TRPM3: variants seen among roughly 807,000 people sequenced by gnomAD.
The protein encoded by TRPM3 is transient receptor potential cation channel subfamily M member 3, also known as long transient receptor potential channel 3.
A neutral mutation model predicts 181.2 loss-of-function variants in TRPM3; 77 were observed. That is an observed-to-expected ratio of 0.42 (90% CI 0.35 to 0.51). The LOEUF is 0.51. Among genes scored for constraint, TRPM3 ranks in the 20% least tolerant of loss-of-function variants. The pLI, the probability that TRPM3 is intolerant of heterozygous loss-of-function variation, is 0.01. For missense variants in TRPM3, 1,759 were observed against 2,196.7 expected (o/e 0.80, Z 3.98); for synonymous variants, 745 against 796.4 (o/e 0.94, Z 1.09).
intron 25 of TRPM3, among the ~76,000 whole-genome samples, chr9:70,538,317 G>T (rs1161370045): frequency 6.7e-6 from 1 of 148,438 alleles, no homozygotes; most frequent in Admixed American, 6.6e-5. Context: ...TTTAGAGATG[G>T]GGGGGGTCTC....
intron 16 of TRPM3, among the ~76,000 whole-genome samples, chr9:70,619,860 G>T (rs11142511): frequency 0.49 from 74,321 of 151,936 alleles, 19,880 homozygotes; most frequent in Non-Finnish European, 0.6. Flanking sequence ...TACCTCATGG[G>T]GAAGTTGACA....
intron 1 of TRPM3, among the ~76,000 whole-genome samples, chr9:70,990,499 A>C (rs149299215): frequency 6.6e-6 from 1 of 152,304 alleles, no homozygotes; most frequent in East Asian, 1.9e-4. Context: ...AAGGTCTTGA[A>C]CGGTGATTCC....
At chr9:70,891,516 C>T (rs1318483580) in intron 1 of TRPM3, among the ~76,000 whole-genome samples, 1 of 152,046 alleles carries the variant, frequency 6.6e-6, no homozygotes, top group Admixed American at 6.5e-5. Flanking sequence ...GGCAAGGGAC[C>T]CTGTTTTTTG....
intron 1 of TRPM3, among the ~76,000 whole-genome samples, chr9:70,914,809 G>A (rs1038374907): frequency 6.6e-6 from 1 of 152,180 alleles, no homozygotes; most frequent in African/African-American, 2.4e-5. Context: ...TCTGCCTAGT[G>A]ATCCAGATAA....
Position 70,681,563 on chromosome 9 carries a change from TC to T in TRPM3, c.1287del (p.Met430TrpfsTer14). On this transcript the variant is annotated frameshift_variant, in exon 9 of 26. Transcript: ENST00000677713. LOFTEE classifies it high-confidence loss of function. ...MKKKELITVF[R>X]MGSEGHQDID... ...ATGTCCTGGTGTCCTTCTGATCCCA[TC>T]CGAAATACCGTAATCTGCAATTTGA... is the stretch of plus-strand genomic sequence containing the variant. The T allele has an allele frequency of 6.2e-7, 1 of 1,613,846 alleles. No homozygotes were observed. Among genetic ancestry groups the T allele is most frequent in the East Asian group, 2.2e-5 (1 of 44,864 alleles).
rs1347479452 is a variant in TRPM3, at chr9:70,625,155, T to C, written c.1809+36A>G. 2.5e-6 allele frequency: 4 copies of C among 1,612,520 alleles called. No individual in the cohort carries two copies. The African/African-American group carries it at 5.3e-5, about 22-fold the overall frequency. On this transcript the variant is annotated intron_variant, in intron 14 of 25. Coordinates refer to ENST00000677713, the MANE Select transcript of TRPM3 (RefSeq NM_001366145.2). This position sits in a 1 kb window ranked among gnomAD's most constrained non-coding sequence, Gnocchi z 4.8. ...ACCCAAATCCCATACACCCTAGTCC[T>C]CCCAGGAAGGGCCCCGAATTTGCAG...
At chr9:71,350,477 G>A (rs752362798) in intron 1 of TRPM3, among the ~76,000 whole-genome samples, 3 of 152,114 alleles carry the variant, frequency 2.0e-5, no homozygotes, top group Non-Finnish European at 2.9e-5. Context: ...TAGGTGGATC[G>A]CTTCCCTTGA....
chr9:71,180,050 CTTT>C (rs35877663), intron 1 of TRPM3, among the ~76,000 whole-genome samples: 3 of 101,180 alleles, frequency 3.0e-5, no homozygotes, highest in Non-Finnish European at 1.9e-5. Flanking sequence ...ATACATCCTT[CTTT>C]TTTTTTTTTT....
chr9:70,923,995 C>T (rs1448999116), intron 1 of TRPM3, among the ~76,000 whole-genome samples: 3 of 151,364 alleles, frequency 2.0e-5, no homozygotes, highest in African/African-American at 7.3e-5. Flanking sequence ...ATCTATTTAT[C>T]TATCTATATA....
intron 8 of TRPM3, among the ~76,000 whole-genome samples, chr9:70,747,132 A>G (rs1222681715): frequency 6.6e-6 from 1 of 152,226 alleles, no homozygotes; most frequent in African/African-American, 2.4e-5. Flanking sequence ...CTATGATATT[A>G]AGCACAACTA....
At chr9:71,035,560 T>C (rs2058077119) in intron 1 of TRPM3, among the ~76,000 whole-genome samples, 1 of 151,966 alleles carries the variant, frequency 6.6e-6, no homozygotes, top group South Asian at 2.1e-4. Context: ...CTGCTAAAAA[T>C]ACAAAAATTA....
chr9:71,271,731 A>G (rs1245940656), intron 1 of TRPM3, among the ~76,000 whole-genome samples: 1 of 152,114 alleles, frequency 6.6e-6, no homozygotes, highest in African/African-American at 2.4e-5. Flanking sequence ...ATTTCTCAAC[A>G]GGAGGTGACA....
chr9:71,269,556 T>A (rs1255934859), intron 1 of TRPM3, among the ~76,000 whole-genome samples: 1 of 152,206 alleles, frequency 6.6e-6, no homozygotes, highest in Non-Finnish European at 1.5e-5. Context: ...CACTGGCCAG[T>A]GAGCTGGGAG....
Position 70,534,350 on chromosome 9 carries a change from T to TA in TRPM3, c.*1602dup, listed in dbSNP as rs1485395497. The TA allele has an allele frequency of 1.3e-5, 2 of 152,216 alleles. No homozygotes were observed. Among genetic ancestry groups the TA allele is most frequent in the Non-Finnish European group, 2.9e-5 (2 of 68,032 alleles). 9.4% of individuals were successfully genotyped at this position (152,216 alleles called of 1,614,324 possible). On this transcript the variant is annotated 3_prime_UTR_variant, in exon 26 of 26. Transcript: ENST00000677713. ...GATATGAGGAAAAGTCATAGGAATTTAAAAAATTCATAATTTCAACATTTG... is the reference window on the plus strand; with the variant it reads ...GATATGAGGAAAAGTCATAGGAATTTAAAAAAATTCATAATTTCAACATTTG...
chr9:70,937,792 T>C (rs1426362652), intron 1 of TRPM3, among the ~76,000 whole-genome samples: 1 of 150,970 alleles, frequency 6.6e-6, no homozygotes, highest in African/African-American at 2.4e-5. Context: ...GCAATGACAC[T>C]CATAGTCCTG....
rs1314870838 is a variant in TRPM3, at chr9:71,282,388, GAAAGAAAGAAAGGA to G, written c.183+164251_183+164264del. On this transcript the variant is annotated intron_variant, in intron 1 of 24. Coordinates refer to the TRPM3 transcript ENST00000357533. ...GAAAGAATGAAAGAAAGAAAGAAAGGAAAGAAAGAAAGGAAAAGAAAGAAAAAGAAAAAGAAAGA... is the reference window on the plus strand; with the variant it reads ...GAAAGAATGAAAGAAAGAAAGAAAGGAAAGAAAGAAAAAGAAAAAGAAAGA... Among the ~76,000 whole-genome samples the G allele has an allele frequency of 1.4e-3, 97 of 67,034 alleles. 21 individuals carry two copies. Among genetic ancestry groups the G allele is most frequent in the African/African-American group, 7.8e-3 (89 of 11,358 alleles). 44.0% of individuals were successfully genotyped at this position (67,034 alleles called of 152,430 possible).
intron 1 of TRPM3, among the ~76,000 whole-genome samples, chr9:71,389,685 G>A (rs1246756443): frequency 6.6e-6 from 1 of 152,094 alleles, no homozygotes; most frequent in Non-Finnish European, 1.5e-5. Flanking sequence ...CATTTGCAGT[G>A]ACCTGGATGA....
chr9:70,955,770 T>C (rs1042770918), intron 1 of TRPM3, among the ~76,000 whole-genome samples: 2 of 152,188 alleles, frequency 1.3e-5, no homozygotes, highest in African/African-American at 4.8e-5. Flanking sequence ...GAACTCCAGG[T>C]AATTATCTCT....
intron 1 of TRPM3, among the ~76,000 whole-genome samples, chr9:70,962,310 T>C (rs1463562928): frequency 6.6e-6 from 1 of 152,018 alleles, no homozygotes; most frequent in Non-Finnish European, 1.5e-5. Context: ...CCACAGATGA[T>C]AATCTTCCCT....
Sources: allele counts gnomAD v4.1 joint callset (sites outside exome capture counted in the v4.1 genomes callset), GRCh38; gene constraint gnomAD v4.1.1; non-coding constraint Gnocchi (gnomAD v3.1); transcripts MANE v1.5; gene names NCBI Gene and HGNC (gene_info 2026-07-23, HGNC 2026-07-21).